The following CD83 variants were observed in gnomAD, a reference collection of about 807,000 sequenced individuals.
CD83 encodes the protein CD83 molecule.
A neutral mutation model predicts 24.6 loss-of-function variants in CD83; 22 were observed. That is an observed-to-expected ratio of 0.90 (90% CI 0.64 to 1.28). The LOEUF (loss-of-function observed/expected upper bound fraction) is 1.28. Ranked by LOEUF, CD83 falls within the 50% of genes most tolerant of loss-of-function variation. CD83 has a pLI of 0.00. For missense variants in CD83, 253 were observed against 252.8 expected, an observed-to-expected ratio of 1.00 and a Z score of -0.01; for synonymous variants, 101 against 103.5, an observed-to-expected ratio of 0.98 and a Z score of 0.14.
chr6:14,117,692 C>G, upstream of CD83: 1 of 692,380 alleles, frequency 1.4e-6, no homozygotes, highest in Non-Finnish European at 2.2e-6. The surrounding 1 kb of genome is among the most constrained non-coding windows in gnomAD (Gnocchi z 4.6). Flanking sequence ...TTCCGCTGCC[C>G]GCCGGGGAAT....
chr6:14,118,365 T>A (rs537853035), intron 2 of CD83, among the ~76,000 whole-genome samples: 1 of 152,078 alleles, frequency 6.6e-6, no homozygotes, highest in East Asian at 1.9e-4. Context: ...CTCATTTGGA[T>A]TAATTCTGGA....
rs940930956 is a variant in CD83, at chr6:14,136,018, TAGAG to T, written c.*785_*788del. On this transcript the variant is annotated 3_prime_UTR_variant, in exon 5 of 5. Coordinates refer to ENST00000379153, the MANE Select transcript of CD83 (RefSeq NM_004233.4). ...GAAGAAGTCAGAGAGGGTGACAAGA[TAGAG>T]AGCTATTTAATGGCCGGCTGGAAAT... 1.3e-5 allele frequency: 2 copies of T among 152,186 alleles called. No individual in the cohort carries two copies. Among genetic ancestry groups the T allele is most frequent in the African/African-American group, 4.8e-5 (2 of 41,432 alleles). 9.4% of individuals were successfully genotyped at this position (152,186 alleles called of 1,614,324 possible). A position where few individuals can be genotyped will look rare whatever the true frequency, so the allele number is the denominator to read the frequency against.
rs1174180347 is a variant in CD83 at position 14,135,187 on chromosome 6, C to G, written c.569C>G (p.Pro190Arg). ...CGAGCTTTTCTCCCAGTTACCTCCC[C>G]AAATAAGCATTTAGGGCTAGTGACT... ...MERAFLPVTSPNKHLGLVTPH... is the reference protein window; with the variant it reads ...MERAFLPVTSRNKHLGLVTPH... The change falls in exon 5 of 5, where the codon CCA becomes CGA. Residue 190 changes from proline to arginine, a missense_variant. Coordinates refer to ENST00000379153, the MANE Select transcript of CD83 (RefSeq NM_004233.4). 6.2e-7 allele frequency: 1 copy of G among 1,613,330 alleles called. No homozygotes were observed. Among genetic ancestry groups the G allele is most frequent in the African/African-American group, 1.3e-5 (1 of 74,908 alleles).
intron 3 of CD83, 21 bp from the exon 4 acceptor site, chr6:14,133,628 A>G (rs1177563731): frequency 3.3e-6 from 5 of 1,503,962 alleles, no homozygotes; most frequent in African/African-American, 2.8e-5. Context: ...ATGGCTTCAC[A>G]TGTCGCTTAC....
chr6:14,134,061 T>C (rs1561833238), intron 4 of CD83, among the ~76,000 whole-genome samples: 1 of 152,130 alleles, frequency 6.6e-6, no homozygotes, highest in Non-Finnish European at 1.5e-5. Flanking sequence ...GGCGCAGTGC[T>C]AGAAGTTGCA....
chr6:14,133,160 T>C (rs1757960419), intron 3 of CD83, among the ~76,000 whole-genome samples: 1 of 152,220 alleles, frequency 6.6e-6, no homozygotes, highest in African/African-American at 2.4e-5. Flanking sequence ...TCATAGTCCC[T>C]GAAACCTCCT....
At chr6:14,120,115 T>G (rs1759638396) in intron 2 of CD83, among the ~76,000 whole-genome samples, 1 of 152,244 alleles carries the variant, frequency 6.6e-6, no homozygotes, top group African/African-American at 2.4e-5. Context: ...ATAGTGCCAA[T>G]GAAAAGTCAT....
intron 2 of CD83, among the ~76,000 whole-genome samples, chr6:14,122,728 T>C (rs931187829): frequency 4.6e-5 from 7 of 152,254 alleles, no homozygotes; most frequent in African/African-American, 1.7e-4. Context: ...GGTCAAACCA[T>C]GAAAGATGTA....
chr6:14,117,467 A>G (rs1759551474), upstream of CD83, among the ~76,000 whole-genome samples: 1 of 151,628 alleles, frequency 6.6e-6, no homozygotes, highest in Non-Finnish European at 1.5e-5. The surrounding 1 kb of genome is among the most constrained non-coding windows in gnomAD (Gnocchi z 4.6). Flanking sequence ...CAAAGCCCCC[A>G]GCGCTGGGCG....
chr6:14,124,801 T>C (rs1759747019), intron 2 of CD83, among the ~76,000 whole-genome samples: 1 of 152,148 alleles, frequency 6.6e-6, no homozygotes, highest in Admixed American at 6.5e-5. Context: ...GTGGCTTGAA[T>C]TGTGCCCCCC....
intron 2 of CD83, among the ~76,000 whole-genome samples, chr6:14,131,007 G>C (rs1474993225): frequency 1.3e-5 from 2 of 152,240 alleles, no homozygotes; most frequent in African/African-American, 4.8e-5. Context: ...CAAGGTGACT[G>C]TTCGCAGGAG....
chr6:14,126,945 T>G (rs1412712450), intron 2 of CD83, among the ~76,000 whole-genome samples: 1 of 151,926 alleles, frequency 6.6e-6, no homozygotes, highest in Non-Finnish European at 1.5e-5. Flanking sequence ...TTTTTTTTTC[T>G]TTTAGGTAGG....
chr6:14,134,964 C>T, intron 4 of CD83, 144 bp from the exon 5 acceptor site: 1 of 730,662 alleles, frequency 1.4e-6, no homozygotes, highest in Non-Finnish European at 2.2e-6. Context: ...GGTACAAATC[C>T]CTTGTGGAGC....
At chr6:14,119,406 T>C (rs577763146) in intron 2 of CD83, among the ~76,000 whole-genome samples, 65 of 152,338 alleles carry the variant, frequency 4.3e-4, no homozygotes, top group African/African-American at 1.6e-3. Context: ...AAAAACAATT[T>C]TTGAATGCTC....
rs760513345 is a variant in CD83, at chr6:14,117,797, C to G, written c.-15C>G. 2 of 1,519,242 alleles carry G rather than the reference C, an allele frequency of 1.3e-6. No individual in the cohort carries two copies. Among genetic ancestry groups the G allele is most frequent in the Non-Finnish European group, 1.8e-6 (2 of 1,137,784 alleles). 94.1% of individuals were successfully genotyped at this position (1,519,242 alleles called of 1,614,324 possible). A position where few individuals can be genotyped will look rare whatever the true frequency, so the allele number is the denominator to read the frequency against. ...ACAGCTCTGCAGCTCGTGGCAGCGGCGCAGCGCTCCAGCCATGTCGCGCGG... is the reference window on the plus strand; with the variant it reads ...ACAGCTCTGCAGCTCGTGGCAGCGGGGCAGCGCTCCAGCCATGTCGCGCGG... On this transcript the variant is annotated 5_prime_UTR_variant, in exon 1 of 5. Coordinates refer to ENST00000379153, the MANE Select transcript of CD83 (RefSeq NM_004233.4). The surrounding 1 kb of genome is among the most constrained non-coding windows in gnomAD (Gnocchi z 4.6).
chr6:14,117,706 C>G, upstream of CD83: 1 of 817,486 alleles, frequency 1.2e-6, no homozygotes, highest in Middle Eastern at 3.9e-4. The surrounding 1 kb of genome is among the most constrained non-coding windows in gnomAD (Gnocchi z 4.6). Flanking sequence ...GGGGAATCCC[C>G]CGGGCTGGCG....
chr6:14,124,363 A>G (rs150678868), intron 2 of CD83, among the ~76,000 whole-genome samples: 6 of 152,362 alleles, frequency 3.9e-5, no homozygotes, highest in African/African-American at 1.4e-4. Context: ...GAGGTTACCG[A>G]TTCTAGAAGA....
chr6:14,117,769 G>A (rs568423910), upstream of CD83: 27 of 1,373,144 alleles, frequency 2.0e-5, no homozygotes, highest in South Asian at 3.1e-4. This position sits in a 1 kb window ranked among gnomAD's most constrained non-coding sequence, Gnocchi z 4.6. Context: ...GCGCCCGCGC[G>A]CCACAGCTCT....
At chr6:14,125,169 G>T (rs1759775643) in intron 2 of CD83, among the ~76,000 whole-genome samples, 1 of 152,210 alleles carries the variant, frequency 6.6e-6, no homozygotes, top group African/African-American at 2.4e-5. Context: ...CCTGAACTGT[G>T]AGAGAATACA....
Sources: allele counts gnomAD v4.1 joint callset (sites outside exome capture counted in the v4.1 genomes callset), GRCh38; gene constraint gnomAD v4.1.1; non-coding constraint Gnocchi (gnomAD v3.1); transcripts MANE v1.5; gene names NCBI Gene and HGNC (gene_info 2026-07-23, HGNC 2026-07-21).